The following USF3 variants were observed in gnomAD, a reference collection of about 807,000 sequenced individuals.
USF3 encodes upstream transcription factor family member 3.
A neutral mutation model predicts 157.5 loss-of-function variants in USF3; 29 were observed. That is an observed-to-expected ratio of 0.18 (90% confidence interval 0.14 to 0.25). USF3 has a LOEUF of 0.25. Among genes scored for constraint, USF3 ranks in the 10% least tolerant of loss-of-function variants. The pLI, the probability that USF3 is intolerant of heterozygous loss-of-function variation, is 1.00. For missense variants in USF3, 2,381 were observed against 2,667.6 expected (o/e 0.89, Z 2.37); for synonymous variants, 893 against 941.4 (o/e 0.95, Z 0.94).
rs774802687 is a variant in USF3 at position 113,656,124 on chromosome 3, G to A, written c.5558C>T (p.Ala1853Val). The change falls in exon 7 of 7, where the codon GCA becomes GTA. Residue 1853 changes from alanine to valine, a missense_variant. Ala to Val is a moderately conservative substitution (Grantham distance 64). Around this residue, in one of 6 missense-constraint regions of USF3, gnomAD observed 770 missense variants for 824.2 expected, o/e 0.93. Transcript: ENST00000316407. ...QRNTQCGPSS[A>V]IEYNCPPTHE... Reference sequence around the variant, plus strand: ...AGTTGGGGGACAATTATATTCAATTGCAGAGGATGGACCACACTGTGTATT... The same window carrying A: ...AGTTGGGGGACAATTATATTCAATTACAGAGGATGGACCACACTGTGTATT... 5 of 1,614,036 alleles carry A rather than the reference G, an allele frequency of 3.1e-6. No individual in the cohort carries two copies. The African/African-American group carries it at 5.3e-5, about 17-fold the overall frequency.
rs759546784 is a variant in USF3 at position 113,674,892 on chromosome 3, G to A, written c.-14C>T. ...CATTTCTGGCATGGTTACAGTAATA[G>A]GAACCTACAGAAGGATAGAAAGACA... is the stretch of plus-strand genomic sequence containing the variant. On this transcript the variant is annotated 5_prime_UTR_variant, in exon 3 of 7. Transcript: ENST00000316407. 3.7e-6 allele frequency: 6 copies of A among 1,606,050 alleles called. No homozygotes were observed. Among genetic ancestry groups the A allele is most frequent in the South Asian group, 1.1e-5 (1 of 90,892 alleles).
At chr3:113,666,874 C>T (rs1947578526) in intron 5 of USF3, among the ~76,000 whole-genome samples, 2 of 152,060 alleles carry the variant, frequency 1.3e-5, no homozygotes, top group African/African-American at 4.8e-5. Flanking sequence ...AGGTGTGAGC[C>T]ACTGTGCCCG....
intron 1 of USF3, among the ~76,000 whole-genome samples, chr3:113,687,117 T>C (rs1707568480): frequency 6.6e-6 from 1 of 152,144 alleles, no homozygotes; most frequent in Non-Finnish European, 1.5e-5. Flanking sequence ...GGAGATTTAT[T>C]TCATTCTTCA....
Position 113,657,113 on chromosome 3 carries a change from T to A in USF3, c.4569A>T (p.Lys1523Asn). 3.1e-6 allele frequency: 5 copies of A among 1,614,140 alleles called. No homozygotes were observed. Among genetic ancestry groups the A allele is most frequent in the Non-Finnish European group, 4.2e-6 (5 of 1,180,028 alleles). The change falls in exon 7 of 7, where the codon AAA (lysine) becomes AAT (asparagine). Residue 1523 changes from lysine to asparagine, a missense_variant. By Grantham distance (94) the Lys-to-Asn change is moderately conservative (BLOSUM62 0). Transcript: ENST00000316407. ...RTLQQEVQMQ[K>N]KRNLVQGTQT... Reference sequence around the variant, plus strand: ...GGGTGCCCTGAACAAGATTCCTCTTTTTCTGCATCTGAACTTCCTGTTGCA... The same window carrying A: ...GGGTGCCCTGAACAAGATTCCTCTTATTCTGCATCTGAACTTCCTGTTGCA...
chr3:113,655,676 C>T lies in USF3; in HGVS notation c.6006G>A (p.Arg2002=). ...QPERNRSGNQ[R]QSTVFDPSLP... The stretch of plus-strand genomic sequence containing the variant: ...GACTTGGATCAAAGACAGTACTTTG[C>T]CTTTGGTTTCCAGAACGATTCCTTT... Residue 2002 remains arginine, a synonymous_variant, in exon 7 of 7, where the codon AGG becomes AGA. Coordinates refer to ENST00000316407, the MANE Select transcript of USF3 (RefSeq NM_001009899.4). 6.2e-7 allele frequency: 1 copy of T among 1,613,972 alleles called. No homozygotes were observed.
chr3:113,652,108 A>AGAGAGTGTGTGTGTGTGT lies in USF3; in HGVS notation c.*2835_*2836insACACACACACACACTCTC, dbSNP rs1266464109. The stretch of plus-strand genomic sequence containing the variant: ...TGGAGAGAGAGAGAGAGAGAGAGAG[A>AGAGAGTGTGTGTGTGTGT]GTGTGTGTGTGTGTGTGTGTGTGTG... On this transcript the variant is annotated 3_prime_UTR_variant, in exon 7 of 7. Coordinates refer to ENST00000316407, the MANE Select transcript of USF3 (RefSeq NM_001009899.4). 2.8e-4 allele frequency: 40 copies of AGAGAGTGTGTGTGTGTGT among 142,068 alleles called. No homozygotes were observed. The highest frequency in any genetic ancestry group is 9.4e-4 in the African/African-American group (36 of 38,370). The allele number at this position is 142,068 out of a possible 1,614,324, so 8.8% of individuals were successfully genotyped here. A position where few individuals can be genotyped will look rare whatever the true frequency, so the allele number is the denominator to read the frequency against.
Position 113,656,617 on chromosome 3 carries a change from T to C in USF3, c.5065A>G (p.Ile1689Val). 2 of 1,614,246 alleles carry C rather than the reference T, an allele frequency of 1.2e-6. No individual in the cohort carries two copies. The highest frequency in any genetic ancestry group is 2.2e-5 in the East Asian group (1 of 44,884). ...TGATCTGAAACTCTGGAACCCTGAA[T>C]TGATATCCCCATTCTCTGCTCTGAA... ...SNSEQRMGIS[I>V]QGSRVSDQLE... is the part of the protein sequence containing the mutation. Residue 1689 changes from isoleucine to valine, a missense_variant, in exon 7 of 7, where the codon ATT becomes GTT. Ile to Val is a conservative substitution (Grantham distance 29). Transcript: ENST00000316407.
Position 113,660,612 on chromosome 3 carries a change from A to G in USF3, c.1070T>C (p.Met357Thr), listed in dbSNP as rs771095772. 1.2e-6 allele frequency: 2 copies of G among 1,614,182 alleles called. No individual in the cohort carries two copies. Among genetic ancestry groups the G allele is most frequent in the Admixed American group, 1.7e-5 (1 of 60,002 alleles). Reference protein sequence around the residue: ...PPRTAGDSSPMSISKSADLTS... With the variant: ...PPRTAGDSSPTSISKSADLTS... ...CAAGTCTGCACTCTTACTAATGCTC[A>G]TTGGAGAAGAATCACCTGCAGTTCT... Residue 357 changes from methionine (M) to threonine (T), a missense_variant, in exon 7 of 7, where the codon ATG (methionine) becomes ACG (threonine). Met to Thr is a moderately conservative substitution (Grantham distance 81). Coordinates refer to ENST00000316407, the MANE Select transcript of USF3 (RefSeq NM_001009899.4).
intron 2 of USF3, 82 bp from the exon 3 acceptor site, chr3:113,674,978 A>C: frequency 1.2e-6 from 1 of 809,606 alleles, no homozygotes; most frequent in East Asian, 2.4e-5. Flanking sequence ...ATTTGATTTG[A>C]ATATTAAAAT....
chr3:113,681,638 G>A (rs925473547), intron 1 of USF3, among the ~76,000 whole-genome samples: 1 of 148,786 alleles, frequency 6.7e-6, no homozygotes, highest in South Asian at 2.1e-4. Flanking sequence ...CTGACCTCAG[G>A]TGATCCGCCT....
Position 113,658,507 on chromosome 3 carries a change from T to C in USF3, c.3175A>G (p.Arg1059Gly). 1 of 1,613,688 alleles carries C rather than the reference T, an allele frequency of 6.2e-7. No homozygotes were observed. Among genetic ancestry groups the C allele is most frequent in the Non-Finnish European group, 8.5e-7 (1 of 1,179,580 alleles). Residue 1059 changes from arginine (R) to glycine (G), a missense_variant, in exon 7 of 7, where the codon AGA becomes GGA. Around this residue, in one of 6 missense-constraint regions of USF3, gnomAD observed 1,435 missense variants for 1,550.9 expected, o/e 0.93. Coordinates refer to ENST00000316407, the MANE Select transcript of USF3 (RefSeq NM_001009899.4). ...CAGGAATGATGCTGTGGAGGATCTC[T>C]ATCATCATTGTTCATCAGTAATAGT... ...QELLLMNNDD[R>G]DPPQHHSCLP... is the part of the protein sequence containing the mutation.
intron 1 of USF3, among the ~76,000 whole-genome samples, chr3:113,679,318 T>C (rs1707356558): frequency 6.6e-6 from 1 of 152,112 alleles, no homozygotes; most frequent in African/African-American, 2.4e-5. Flanking sequence ...ATTGCATAAA[T>C]CTTACGTATA....
Position 113,650,088 on chromosome 3 carries a change from G to A in USF3, c.*4856C>T, listed in dbSNP as rs1947234966. 1 of 533,378 alleles carries A rather than the reference G, an allele frequency of 1.9e-6. No homozygotes were observed. Among genetic ancestry groups the A allele is most frequent in the Non-Finnish European group, 3.3e-6 (1 of 302,010 alleles). 33.0% of individuals were successfully genotyped at this position (533,378 alleles called of 1,614,324 possible). A position where few individuals can be genotyped will look rare whatever the true frequency, so the allele number is the denominator to read the frequency against. On this transcript the variant is annotated 3_prime_UTR_variant, in exon 7 of 7. Coordinates refer to ENST00000316407, the MANE Select transcript of USF3 (RefSeq NM_001009899.4). ...TGCCCTCTGGATGTACACAGCCACA[G>A]GCGCACTACCTCCAGGCAAAGGTAG...
At chr3:113,677,874 T>G (rs994050540) in intron 1 of USF3, among the ~76,000 whole-genome samples, 1 of 152,164 alleles carries the variant, frequency 6.6e-6, no homozygotes, top group Non-Finnish European at 1.5e-5. Context: ...TTGCATTGCA[T>G]GTGTTCTTTA....
intron 5 of USF3, among the ~76,000 whole-genome samples, chr3:113,666,418 AT>A (rs776257698): frequency 1.8e-3 from 241 of 136,020 alleles, no homozygotes; most frequent in East Asian, 4.6e-3. Context: ...TGCCTGGCTA[AT>A]TTTTTTTTTT....
chr3:113,666,568 C>CTTT (rs775533373), intron 5 of USF3, among the ~76,000 whole-genome samples: 26 of 109,116 alleles, frequency 2.4e-4, no homozygotes, highest in East Asian at 5.5e-4. Context: ...TTATTGTTTC[C>CTTT]TTTTTTTTTT....
chr3:113,688,733 C>T (rs982161755), intron 1 of USF3, among the ~76,000 whole-genome samples: 2 of 152,188 alleles, frequency 1.3e-5, no homozygotes, highest in African/African-American at 4.8e-5. Context: ...CAAAGCACAG[C>T]CACTGCGGTC....
In USF3 at chr3:113,656,441, C is replaced by A; in HGVS notation, c.5241G>T (p.Gln1747His). 6.2e-7 allele frequency: 1 copy of A among 1,614,188 alleles called. No homozygotes were observed. Among genetic ancestry groups the A allele is most frequent in the South Asian group, 1.1e-5 (1 of 91,076 alleles). The change falls in exon 7 of 7, where the codon CAG (glutamine) becomes CAT (histidine). Residue 1747 changes from glutamine (Q) to histidine (H), a missense_variant. Coordinates refer to ENST00000316407, the MANE Select transcript of USF3 (RefSeq NM_001009899.4). ...FKPSGASQQP[Q>H]SNFEVQSSRN... Reference sequence around the variant, plus strand: ...TTGAAGATTGTACTTCAAAATTACTCTGGGGCTGTTGACTAGCTCCACTTG... The same window carrying A: ...TTGAAGATTGTACTTCAAAATTACTATGGGGCTGTTGACTAGCTCCACTTG...
chr3:113,658,299 T>C lies in USF3; in HGVS notation c.3383A>G (p.Glu1128Gly), dbSNP rs983720372. The change falls in exon 7 of 7, where the codon GAG (glutamate) becomes GGG (glycine). Residue 1128 changes from glutamate to glycine, a missense_variant. Glu to Gly is a moderately conservative substitution (Grantham distance 98). Around this residue, in one of 6 missense-constraint regions of USF3, gnomAD observed 1,435 missense variants for 1,550.9 expected, o/e 0.93. Coordinates refer to ENST00000316407, the MANE Select transcript of USF3 (RefSeq NM_001009899.4). Reference sequence around the variant, plus strand: ...TGCAAGAGCTACTATATCAGTTTGCTCTACAAAGGTACAGCTGTCACATGT... The same window carrying C: ...TGCAAGAGCTACTATATCAGTTTGCCCTACAAAGGTACAGCTGTCACATGT... ...TNTCDSCTFV[E>G]QTDIVALAAR... 3.1e-6 allele frequency: 5 copies of C among 1,614,192 alleles called. No individual in the cohort carries two copies. The highest frequency in any genetic ancestry group is 8.5e-7 in the Non-Finnish European group (1 of 1,180,036).
Sources: allele counts gnomAD v4.1 joint callset (sites outside exome capture counted in the v4.1 genomes callset), GRCh38; gene constraint gnomAD v4.1.1; regional missense constraint gnomAD v4.1.1; transcripts MANE v1.5; gene names NCBI Gene and HGNC (gene_info 2026-07-23, HGNC 2026-07-21).